RBFOX1: variants seen among roughly 807,000 people sequenced by gnomAD.
RBFOX1 encodes RNA binding fox-1 homolog 1.
A neutral mutation model predicts 57.7 loss-of-function variants in RBFOX1; 8 were observed. The observed-to-expected ratio is 0.14, with a 90% CI of 0.08 to 0.25. The LOEUF (loss-of-function observed/expected upper bound fraction) is 0.25. Among genes scored for constraint, RBFOX1 ranks in the 10% least tolerant of loss-of-function variants. RBFOX1 has a pLI of 1.00. For missense variants in RBFOX1, 611 were observed against 548.5 expected (o/e 1.11, Z -1.14); for synonymous variants, 326 against 222.4 (o/e 1.47, Z -4.15).
chr16:7,109,528 C>T (rs998234346), intron 4 of RBFOX1, among the ~76,000 whole-genome samples: 2 of 151,940 alleles, frequency 1.3e-5, no homozygotes, highest in Non-Finnish European at 1.5e-5. Context: ...AGTGACTCAC[C>T]TAAAAAGAGA....
At chr16:6,399,537 C>G (rs1010495607) in intron 2 of RBFOX1, among the ~76,000 whole-genome samples, 24 of 152,278 alleles carry the variant, frequency 1.6e-4, no homozygotes, top group African/African-American at 5.5e-4. Context: ...CTTCATTGTC[C>G]ATTTCACCAT....
chr16:6,971,504 G>T (rs1001479292), intron 3 of RBFOX1, among the ~76,000 whole-genome samples: 52 of 122,400 alleles, frequency 4.2e-4, no homozygotes, highest in Non-Finnish European at 8.8e-4. Context: ...GAGAGAGAGA[G>T]AGTTGGTGTG....
intron 2 of RBFOX1, among the ~76,000 whole-genome samples, chr16:6,438,098 C>G (rs1246654270): frequency 1.3e-5 from 2 of 152,160 alleles, no homozygotes; most frequent in East Asian, 1.9e-4. Context: ...CTACTGATGT[C>G]TCATCAAAGA....
intron 2 of RBFOX1, among the ~76,000 whole-genome samples, chr16:6,397,695 CTGTT>C (rs2092899634): frequency 6.6e-6 from 1 of 152,174 alleles, no homozygotes; most frequent in African/African-American, 2.4e-5. Flanking sequence ...GATGACATCA[CTGTT>C]TTTTGGAGTT....
intron 2 of RBFOX1, among the ~76,000 whole-genome samples, chr16:5,577,998 C>G (rs567537975): frequency 1.3e-5 from 2 of 152,272 alleles, no homozygotes; most frequent in African/African-American, 2.4e-5. Context: ...TGTTGCCAGG[C>G]TGGGGTACAG....
chr16:5,637,021 G>A (rs2048704829), intron 3 of RBFOX1, among the ~76,000 whole-genome samples: 1 of 152,148 alleles, frequency 6.6e-6, no homozygotes, highest in Non-Finnish European at 1.5e-5. Flanking sequence ...GCTTCAAGGG[G>A]TGAAGCTCTG....
intron 3 of RBFOX1, among the ~76,000 whole-genome samples, chr16:6,743,016 G>A (rs1342552117): frequency 6.6e-6 from 1 of 152,114 alleles, no homozygotes; most frequent in Non-Finnish European, 1.5e-5. Context: ...TGCATAAGAT[G>A]TAACAAATGG....
intron 3 of RBFOX1, among the ~76,000 whole-genome samples, chr16:6,739,034 A>G (rs894363686): frequency 6.6e-6 from 1 of 152,192 alleles, no homozygotes; most frequent in African/African-American, 2.4e-5. Flanking sequence ...CAATTTAAAA[A>G]TGACAATTCT....
At chr16:6,043,578 G>T (rs908774812) in intron 1 of RBFOX1, among the ~76,000 whole-genome samples, 1 of 152,162 alleles carries the variant, frequency 6.6e-6, no homozygotes, top group Admixed American at 6.5e-5. Flanking sequence ...GGCATAAGGA[G>T]GTGTGTCTGA....
chr16:6,901,167 G>A (rs1425427127), intron 3 of RBFOX1, among the ~76,000 whole-genome samples: 1 of 152,106 alleles, frequency 6.6e-6, no homozygotes, highest in Non-Finnish European at 1.5e-5. Context: ...TCCCATCCTA[G>A]TGTCTAACAT....
intron 1 of RBFOX1, among the ~76,000 whole-genome samples, chr16:5,443,409 C>T (rs1567518068): frequency 6.6e-6 from 1 of 152,220 alleles, no homozygotes; most frequent in Non-Finnish European, 1.5e-5. Flanking sequence ...GCGATCTTGG[C>T]TCACTGCAAC....
rs553761664 is a variant in RBFOX1 at position 7,551,233 on chromosome 16, C to T, written c.271-28544C>T. The stretch of plus-strand genomic sequence containing the variant: ...AGAAATTGCCACTAAAGAATTTTTT[C>T]CATGCAACCAACCACCACTTGTCCC... On this transcript the variant is annotated intron_variant, in intron 5 of 15. Coordinates refer to ENST00000550418, the MANE Select transcript of RBFOX1 (RefSeq NM_018723.4). Among the ~76,000 whole-genome samples the T allele has an allele frequency of 3.9e-5, 6 of 152,146 alleles. No homozygotes were observed. In the East Asian group the frequency reaches 1.2e-3, roughly 29 times the overall value.
At chr16:5,393,607 T>A (rs2151424043) in intron 1 of RBFOX1, among the ~76,000 whole-genome samples, 1 of 152,314 alleles carries the variant, frequency 6.6e-6, no homozygotes, top group African/African-American at 2.4e-5. Context: ...GGTGTTGGGA[T>A]GACATTCTGC....
rs192675615 is a variant in RBFOX1, at chr16:5,394,413, A to G, written c.220-72803A>G. 3.3e-5 allele frequency among the ~76,000 whole-genome samples: 5 copies of G among 152,070 alleles called. No individual in the cohort carries two copies. In the East Asian group the frequency reaches 5.8e-4, roughly 18 times the overall value. On this transcript the variant is annotated intron_variant, in intron 1 of 2. Transcript: ENST00000585867. ...TTTTTTTGATTTTCTGATCTTCCCC[A>G]AATCATTGTGCTTTTCTGATGATCC...
intron 3 of RBFOX1, among the ~76,000 whole-genome samples, chr16:6,701,351 A>G (rs756031336): frequency 2.6e-5 from 4 of 152,210 alleles, no homozygotes; most frequent in South Asian, 2.1e-4. Context: ...TGTGAGATGC[A>G]TCTCCCTGTT....
chr16:6,305,143 C>T (rs2079339477), intron 1 of RBFOX1, among the ~76,000 whole-genome samples: 1 of 152,204 alleles, frequency 6.6e-6, no homozygotes, highest in African/African-American at 2.4e-5. Flanking sequence ...ATCCCAAATC[C>T]TTCCACGGGT....
intron 2 of RBFOX1, among the ~76,000 whole-genome samples, chr16:5,574,571 C>T (rs184419175): frequency 2.0e-5 from 3 of 152,088 alleles, no homozygotes; most frequent in Admixed American, 6.5e-5. Context: ...CCTGCCACCA[C>T]GCCCAGCAAT....
chr16:5,436,540 G>A (rs561493170), intron 1 of RBFOX1, among the ~76,000 whole-genome samples: 5 of 152,270 alleles, frequency 3.3e-5, no homozygotes, highest in Non-Finnish European at 5.9e-5. Context: ...CATTTGAAAT[G>A]CCAGAAGAAA....
chr16:5,394,686 C>G (rs986283462), intron 1 of RBFOX1, among the ~76,000 whole-genome samples: 1 of 151,522 alleles, frequency 6.6e-6, no homozygotes, highest in Non-Finnish European at 1.5e-5. Flanking sequence ...GTAGCTGAGA[C>G]TACAGATGCA....
Sources: allele counts gnomAD v4.1 joint callset (sites outside exome capture counted in the v4.1 genomes callset), GRCh38; gene constraint gnomAD v4.1.1; transcripts MANE v1.5; gene names NCBI Gene and HGNC (gene_info 2026-07-23, HGNC 2026-07-21).